The following CLASP1 variants were observed in gnomAD, a reference collection of about 807,000 sequenced individuals.
The protein encoded by CLASP1 is CLIP-associating protein 1.
CLASP1 carries 38 observed loss-of-function variants against 192.3 expected under a neutral mutation model. That is an observed-to-expected ratio of 0.20 (90% CI 0.15 to 0.26). The LOEUF is 0.26. CLASP1 is among the 10% of genes least tolerant of loss of function. The probability of loss-of-function intolerance (pLI) is 1.00; values close to 1 mark genes in which losing one functional copy is unlikely to be tolerated. For synonymous variants in CLASP1, 691 were observed against 712.8 expected (o/e 0.97, Z 0.49); for missense variants, 1,433 against 1,932.5 (o/e 0.74, Z 4.85).
At chr2:121,592,486 T>G (rs1353030325) in intron 2 of CLASP1, among the ~76,000 whole-genome samples, 19 of 152,226 alleles carry the variant, frequency 1.2e-4, no homozygotes, top group Admixed American at 1.1e-3. Flanking sequence ...TATCAAAATA[T>G]TCTATTTTGA....
chr2:121,470,168 C>A, intron 8 of CLASP1: 1 of 639,766 alleles, frequency 1.6e-6, no homozygotes, highest in Non-Finnish European at 2.8e-6. Context: ...CTTTCACATA[C>A]CCAGAATACT....
chr2:121,380,572 G>A (rs2071404616), intron 33 of CLASP1, among the ~76,000 whole-genome samples: 1 of 152,198 alleles, frequency 6.6e-6, no homozygotes, highest in African/African-American at 2.4e-5. Context: ...AGAACATGGG[G>A]TCAGGTCTCC....
intron 2 of CLASP1, chr2:121,532,262 A>G (rs1369928104): frequency 6.6e-6 from 1 of 152,280 alleles, no homozygotes. Flanking sequence ...TTTTATAAAG[A>G]GAACAATTTG....
chr2:121,452,238 A>G (rs2085633907), intron 14 of CLASP1, among the ~76,000 whole-genome samples: 2 of 152,198 alleles, frequency 1.3e-5, no homozygotes, highest in African/African-American at 4.8e-5. Context: ...CTTTGCATTA[A>G]TTTCGGAGAA....
intron 7 of CLASP1, among the ~76,000 whole-genome samples, chr2:121,514,811 A>C (rs2150343944): frequency 6.6e-6 from 1 of 152,356 alleles, no homozygotes; most frequent in Admixed American, 6.5e-5. Flanking sequence ...TTTGTGAAAC[A>C]GGACGGAGAA....
rs2057860214 is a variant in CLASP1, at chr2:121,549,877, G to A, written c.196-19552C>T. On this transcript the variant is annotated intron_variant, in intron 2 of 39. Coordinates refer to ENST00000263710, the Ensembl canonical transcript of CLASP1. ...AAAAATTAGCCAGGCGTGGTGGCGG[G>A]TGCCTGTAGTCCCAGCTACTCAGGA... Among the ~76,000 whole-genome samples the A allele has an allele frequency of 4.0e-5, 6 of 151,776 alleles. 1 individual carries two copies. The South Asian group carries it at 1.0e-3, about 26-fold the overall frequency.
chr2:121,644,134 C>T (rs192387695), intron 1 of CLASP1, among the ~76,000 whole-genome samples: 81 of 152,256 alleles, frequency 5.3e-4, no homozygotes, highest in Non-Finnish European at 9.8e-4. Context: ...ACAATTAACA[C>T]TGCCCTCCCC....
chr2:121,368,058 C>A (rs1476893339), intron 34 of CLASP1, among the ~76,000 whole-genome samples: 1 of 152,146 alleles, frequency 6.6e-6, no homozygotes, highest in Non-Finnish European at 1.5e-5. Flanking sequence ...CTTTAAATCT[C>A]CTTTACTTTG....
chr2:121,556,507 C>A (rs2058584064), intron 2 of CLASP1, among the ~76,000 whole-genome samples: 1 of 152,166 alleles, frequency 6.6e-6, no homozygotes, highest in Non-Finnish European at 1.5e-5. Context: ...CCGCTCTCTG[C>A]ACCGGGTGCT....
chr2:121,572,961 AGTTTT>A (rs1321837444), intron 2 of CLASP1, among the ~76,000 whole-genome samples: 6 of 152,166 alleles, frequency 3.9e-5, no homozygotes, highest in Non-Finnish European at 7.4e-5. Flanking sequence ...TCATGAAAAC[AGTTTT>A]GTTTTGTTTT....
chr2:121,509,430 T>G (rs2094045109), intron 7 of CLASP1, among the ~76,000 whole-genome samples: 1 of 152,134 alleles, frequency 6.6e-6, no homozygotes, highest in African/African-American at 2.4e-5. Context: ...CGTCTCGGCC[T>G]CCCAAAGGGA....
At chr2:121,522,656 T>G (rs1210460768) in intron 6 of CLASP1, among the ~76,000 whole-genome samples, 1 of 152,184 alleles carries the variant, frequency 6.6e-6, no homozygotes, top group East Asian at 1.9e-4. Flanking sequence ...GTTGTATTAT[T>G]ATTATTATTC....
In CLASP1 at chr2:121,544,902, CTTTTCT is replaced by C. The variant is rs1312710551; in HGVS notation, c.196-14583_196-14578del. Among the ~76,000 whole-genome samples, 89 of 70,410 alleles carry C rather than the reference CTTTTCT, an allele frequency of 1.3e-3. 1 individual carries two copies. The highest frequency in any genetic ancestry group is 5.1e-3 in the South Asian group (8 of 1,584). The allele number at this position is 70,410 out of a possible 152,430, so 46.2% of individuals were successfully genotyped here. A position where few individuals can be genotyped will look rare whatever the true frequency, so the allele number is the denominator to read the frequency against. On this transcript the variant is annotated intron_variant, in intron 2 of 39. Transcript: ENST00000263710. ...TTTTTCTTTCTTTTTCTTTTCTTTT[CTTTTCT>C]TTTTTTTTTTTTTTTATTTTTGAGA...
intron 34 of CLASP1, among the ~76,000 whole-genome samples, chr2:121,369,639 G>A (rs1487916425): frequency 1.3e-5 from 2 of 152,088 alleles, no homozygotes; most frequent in Non-Finnish European, 2.9e-5. Flanking sequence ...GCAGGAACCC[G>A]GTGTGCACGC....
chr2:121,430,082 G>A lies in CLASP1; in HGVS notation c.2008C>T (p.Gln670Ter). Residue 670 changes from glutamine (Q) to a stop codon, truncating the protein, a stop_gained, in exon 20 of 40, where the codon CAG (glutamine) becomes TAG (stop). Coordinates refer to ENST00000263710, the Ensembl canonical transcript of CLASP1. LOFTEE classifies it high-confidence loss of function. ...AAAATATGTTTCTTACGCTGGGACTGTGAAACCACTTTAGCGCGACTGCGG... is the reference window on the plus strand; with the variant it reads ...AAAATATGTTTCTTACGCTGGGACTATGAAACCACTTTAGCGCGACTGCGG... 6.4e-7 allele frequency: 1 copy of A among 1,565,166 alleles called. No homozygotes were observed. Among genetic ancestry groups the A allele is most frequent in the South Asian group, 1.2e-5 (1 of 84,730 alleles).
intron 19 of CLASP1, among the ~76,000 whole-genome samples, chr2:121,435,709 C>T (rs2082182828): frequency 6.6e-6 from 1 of 152,146 alleles, no homozygotes; most frequent in African/African-American, 2.4e-5. Context: ...AAAACGCAGC[C>T]ATTAAATCAC....
At position 121,381,845 on chromosome 2, in the gene CLASP1, T is replaced by C. The variant is rs146809189; in HGVS notation, c.3491+363A>G. 2.1e-3 allele frequency among the ~76,000 whole-genome samples: 327 copies of C among 152,296 alleles called. 1 individual carries two copies. The highest frequency in any genetic ancestry group is 7.4e-3 in the African/African-American group (308 of 41,558). ...TCTCAGGGGAATGTCTTCTGCACTT[T>C]AGACGCATGCTAAGGAAACTGCTCC... On this transcript the variant is annotated intron_variant, in intron 33 of 39. Coordinates refer to ENST00000263710, the Ensembl canonical transcript of CLASP1.
chr2:121,385,617 CTTAAT>C (rs1182515528), intron 32 of CLASP1, among the ~76,000 whole-genome samples: 3 of 152,144 alleles, frequency 2.0e-5, no homozygotes. Context: ...TAATAAAATG[CTTAAT>C]TTGAGTTATC....
intron 21 of CLASP1, among the ~76,000 whole-genome samples, chr2:121,426,561 T>C (rs2080416721): frequency 6.6e-6 from 1 of 152,148 alleles, no homozygotes; most frequent in Non-Finnish European, 1.5e-5. Context: ...TACACATATA[T>C]ATCCCAACAG....
Sources: gnomAD v4.1 joint callset for allele counts (sites outside exome capture counted in the v4.1 genomes callset) on GRCh38, gnomAD v4.1.1 for gene constraint, MANE v1.5 for transcripts, NCBI Gene and HGNC (gene_info 2026-07-23, HGNC 2026-07-21) for gene names.